The following NHS variants were observed in gnomAD, a reference collection of about 807,000 sequenced individuals.
NHS encodes actin remodeling regulator NHS.
Under a neutral mutation model 72.5 loss-of-function variants are expected in NHS, and 5 were observed. The observed-to-expected ratio is 0.07, with a 90% confidence interval of 0.04 to 0.14. The LOEUF (loss-of-function observed/expected upper bound fraction) is 0.14, where lower values mean the gene tolerates loss of function less well. Among genes scored for constraint, NHS ranks in the 10% least tolerant of loss-of-function variants. The probability of loss-of-function intolerance (pLI) is 1.00; values close to 1 mark genes in which losing one functional copy is unlikely to be tolerated. For missense variants in NHS, 1,072 were observed against 1,355.7 expected (o/e 0.79, Z 3.29); for synonymous variants, 464 against 547.7 (o/e 0.85, Z 2.13).
intron 1 of NHS, among the ~76,000 whole-genome samples, chrX:17,681,093 T>G (rs112222697): frequency 5.3e-4 from 59 of 111,878 alleles, no homozygotes; most frequent in African/African-American, 1.9e-3. Flanking sequence ...GCTCCCCAGT[T>G]GTGGGCAGTC....
intron 1 of NHS, among the ~76,000 whole-genome samples, chrX:17,382,022 A>G (rs1431577214): frequency 8.9e-6 from 1 of 112,250 alleles, no homozygotes; most frequent in Non-Finnish European, 1.9e-5. Context: ...GTGAGACTGA[A>G]CACCATTTTA....
chrX:17,659,445 G>A (rs963126092), intron 1 of NHS, among the ~76,000 whole-genome samples: 1 of 112,088 alleles, frequency 8.9e-6, no homozygotes, highest in Admixed American at 9.4e-5. Context: ...AACCTCTGTA[G>A]GCAAGGTCAT....
At chrX:17,576,256 G>A (rs184152250) in intron 1 of NHS, among the ~76,000 whole-genome samples, 56 of 111,961 alleles carry the variant, frequency 5.0e-4, no homozygotes, top group African/African-American at 1.8e-3. Context: ...ATTACAGAAA[G>A]TGAACCAGAA....
chrX:17,386,955 G>A lies in NHS; in HGVS notation c.565+10633G>A, dbSNP rs911130436. Among the ~76,000 whole-genome samples the A allele has an allele frequency of 6.3e-5, 7 of 111,980 alleles. No homozygotes were observed. The Admixed American group carries it at 6.6e-4, about 11-fold the overall frequency. On this transcript the variant is annotated intron_variant, in intron 1 of 8. Transcript: ENST00000676302. ...ATGGTTTAAAATCTTGATTCAATGTGTCAGCTACTGCTCACAGTATTTTGC... is the reference window on the plus strand; with the variant it reads ...ATGGTTTAAAATCTTGATTCAATGTATCAGCTACTGCTCACAGTATTTTGC...
intron 1 of NHS, among the ~76,000 whole-genome samples, chrX:17,429,512 G>T (rs1345380682): frequency 9.0e-6 from 1 of 111,163 alleles, no homozygotes; most frequent in Admixed American, 9.5e-5. Context: ...AAACACACAT[G>T]CACGGAATCT....
chrX:17,712,077 C>T (rs1047643932), intron 3 of NHS, among the ~76,000 whole-genome samples: 12 of 106,033 alleles, frequency 1.1e-4, no homozygotes, highest in Non-Finnish European at 1.9e-4. Flanking sequence ...CACCATTTTA[C>T]ACTCCCACCA....
At chrX:17,665,473 G>A (rs1213171033) in intron 1 of NHS, among the ~76,000 whole-genome samples, 3 of 106,962 alleles carry the variant, frequency 2.8e-5, no homozygotes, top group African/African-American at 1.0e-4. Context: ...GACTACAGGC[G>A]CCCGCCACCT....
intron 1 of NHS, among the ~76,000 whole-genome samples, chrX:17,587,819 T>C (rs911336648): frequency 1.8e-5 from 2 of 112,411 alleles, no homozygotes; most frequent in Non-Finnish European, 1.9e-5. Flanking sequence ...ATTCAGCAAA[T>C]GTTTGTTGAA....
chrX:17,512,779 G>A (rs1230406522), intron 1 of NHS, among the ~76,000 whole-genome samples: 2 of 94,093 alleles, frequency 2.1e-5, no homozygotes, highest in Non-Finnish European at 4.2e-5. Flanking sequence ...TTGTTGCAGG[G>A]CTTGCTTCTA....
intron 1 of NHS, among the ~76,000 whole-genome samples, chrX:17,377,104 G>A (rs751498009): frequency 2.8e-4 from 31 of 111,738 alleles, no homozygotes; most frequent in Non-Finnish European, 5.3e-4. Context: ...GCCCGCAGAG[G>A]ATCCCACAGA....
At position 17,732,470 on chromosome X, in the gene NHS, C is replaced by T; in HGVS notation, c.*6C>T. 1 of 1,212,446 alleles carries T rather than the reference C, an allele frequency of 8.2e-7. No homozygotes were observed. Among genetic ancestry groups the T allele is most frequent in the Non-Finnish European group, 1.1e-6 (1 of 895,679 alleles). The stretch of plus-strand genomic sequence containing the variant: ...CCTCCCAGAGTTCAACATAGACTGC[C>T]TGTACCAGGCTGCCTGGCAAAGGCC... On this transcript the variant is annotated 3_prime_UTR_variant, in exon 9 of 9. Coordinates refer to ENST00000676302, the MANE Select transcript of NHS (RefSeq NM_001291867.2).
chrX:17,615,175 A>G (rs1209897031), intron 1 of NHS, among the ~76,000 whole-genome samples: 5 of 40,596 alleles, frequency 1.2e-4, no homozygotes, highest in African/African-American at 3.1e-4. Flanking sequence ...ATATATACGT[A>G]TATATATAGT....
chrX:17,502,987 A>G (rs2065042506), intron 1 of NHS, among the ~76,000 whole-genome samples: 1 of 111,574 alleles, frequency 9.0e-6, no homozygotes, highest in African/African-American at 3.3e-5. Context: ...TGCCTCCAGT[A>G]TCCTGAGTCT....
intron 4 of NHS, among the ~76,000 whole-genome samples, chrX:17,721,068 C>T (rs2066403337): frequency 9.0e-6 from 1 of 111,564 alleles, no homozygotes. Context: ...TGATCCTAGT[C>T]ATCTAGAGAT....
At position 17,733,983 on chromosome X, in the gene NHS, A is replaced by T. The variant is rs755722282; in HGVS notation, c.*1519A>T. The T allele has an allele frequency of 1.8e-5, 2 of 112,908 alleles. No individual in the cohort carries two copies. The highest frequency in any genetic ancestry group is 7.4e-4 in the South Asian group (2 of 2,716). 9.3% of individuals were successfully genotyped at this position (112,908 alleles called of 1,213,427 possible). A position where few individuals can be genotyped will look rare whatever the true frequency, so the allele number is the denominator to read the frequency against. On this transcript the variant is annotated 3_prime_UTR_variant, in exon 9 of 9. Coordinates refer to ENST00000676302, the MANE Select transcript of NHS (RefSeq NM_001291867.2). ...ACGTTAAAATCTGCAAATGGTTTTTACACCTCTGATTTTAACATGAACTTA... is the reference window on the plus strand; with the variant it reads ...ACGTTAAAATCTGCAAATGGTTTTTTCACCTCTGATTTTAACATGAACTTA...
intron 1 of NHS, among the ~76,000 whole-genome samples, chrX:17,584,818 G>A (rs1173060702): frequency 4.5e-5 from 5 of 111,537 alleles, no homozygotes; most frequent in African/African-American, 1.3e-4. Flanking sequence ...ACTTAAAGAC[G>A]AGAGCTATAC....
At chrX:17,614,129 C>T (rs1388482680) in intron 1 of NHS, among the ~76,000 whole-genome samples, 1 of 112,121 alleles carries the variant, frequency 8.9e-6, no homozygotes, top group East Asian at 2.8e-4. Flanking sequence ...AGAAAGTCTG[C>T]ACTGTTGTGA....
rs1362812507 is a variant in NHS at position 17,725,894 on chromosome X, C to G, written c.1788C>G (p.Ile596Met). 8.3e-7 allele frequency: 1 copy of G among 1,211,687 alleles called. No individual in the cohort carries two copies. Among genetic ancestry groups the G allele is most frequent in the Non-Finnish European group, 1.1e-6 (1 of 895,500 alleles). Residue 596 changes from isoleucine (I) to methionine (M), a missense_variant, in exon 7 of 9, where the codon ATC (isoleucine) becomes ATG (methionine). Coordinates refer to ENST00000676302, the MANE Select transcript of NHS (RefSeq NM_001291867.2). ...RMAADSGSCD[I>M]SSNSDTFGSP... ...CTGCTGACTCTGGCAGCTGTGACAT[C>G]TCCTCCAACTCAGACACGTTTGGGA...
At chrX:17,548,840 C>T (rs1018981499) in intron 1 of NHS, among the ~76,000 whole-genome samples, 62 of 110,979 alleles carry the variant, frequency 5.6e-4, no homozygotes, top group African/African-American at 1.8e-3. Flanking sequence ...ACAACAGGCC[C>T]CTGGGGGATG....
Sources: allele counts gnomAD v4.1 joint callset (sites outside exome capture counted in the v4.1 genomes callset), GRCh38; gene constraint gnomAD v4.1.1; transcripts MANE v1.5; gene names NCBI Gene and HGNC (gene_info 2026-07-23, HGNC 2026-07-21).